The following FRMPD4 variants were observed in gnomAD, a reference collection of about 807,000 sequenced individuals.
The protein encoded by FRMPD4 is FERM and PDZ domain-containing protein 4.
In FRMPD4, 22 loss-of-function variants were observed where a neutral mutation model predicts 94.1. The ratio of observed to expected loss-of-function variants is 0.23; its 90% CI spans 0.17 to 0.33. The LOEUF is 0.33. Among genes scored for constraint, FRMPD4 ranks in the 10% least tolerant of loss-of-function variants. FRMPD4 has a pLI of 1.00. For synonymous variants in FRMPD4, 631 were observed against 548.6 expected, an observed-to-expected ratio of 1.15 and a Z score of -2.10; for missense variants, 1,111 against 1,339.9, an observed-to-expected ratio of 0.83 and a Z score of 2.67.
At chrX:12,451,720 ATGTGTGTATGCCCG>A (rs1316587919) in intron 1 of FRMPD4, among the ~76,000 whole-genome samples, 1 of 87,987 alleles carries the variant, frequency 1.1e-5, no homozygotes, top group African/African-American at 4.2e-5. Flanking sequence ...CCTCAGTGAT[ATGTGTGTATGCCCG>A]TGTGTGTGTG....
chrX:12,561,600 C>T (rs1198283369), intron 2 of FRMPD4, among the ~76,000 whole-genome samples: 1 of 112,411 alleles, frequency 8.9e-6, no homozygotes, highest in African/African-American at 3.2e-5. Flanking sequence ...TTATCATAAC[C>T]ATAAACTAAC....
At chrX:12,587,645 AGT>A (rs56902110) in intron 2 of FRMPD4, among the ~76,000 whole-genome samples, 6,262 of 103,800 alleles carry the variant, frequency 0.06, 476 homozygotes, top group African/African-American at 0.2. Flanking sequence ...TTCCATTATG[AGT>A]GTGTGTGTGT....
intron 3 of FRMPD4, among the ~76,000 whole-genome samples, chrX:12,613,182 G>A (rs1400521600): frequency 8.9e-6 from 1 of 112,211 alleles, no homozygotes; most frequent in African/African-American, 3.2e-5. Flanking sequence ...ATCAATATTT[G>A]GGAGGTAATT....
intron 2 of FRMPD4, among the ~76,000 whole-genome samples, chrX:12,514,016 C>A (rs1436681383): frequency 9.0e-6 from 1 of 110,989 alleles, no homozygotes; most frequent in African/African-American, 3.3e-5. Flanking sequence ...TGGCTCTCTG[C>A]TTGTCTGTTA....
chrX:12,281,437 T>C (rs2054524529), intron 1 of FRMPD4, among the ~76,000 whole-genome samples: 1 of 109,321 alleles, frequency 9.1e-6, no homozygotes, highest in East Asian at 2.8e-4. Context: ...TACAGTGGTA[T>C]GATCTCTGTT....
intron 3 of FRMPD4, among the ~76,000 whole-genome samples, chrX:12,076,512 A>G (rs1262673516): frequency 9.0e-6 from 1 of 111,181 alleles, no homozygotes; most frequent in Non-Finnish European, 1.9e-5. Flanking sequence ...CAGAAGCAAG[A>G]GTGGATGGGA....
intron 5 of FRMPD4, among the ~76,000 whole-genome samples, chrX:12,679,131 A>G (rs745419603): frequency 2.7e-5 from 3 of 112,013 alleles, no homozygotes; most frequent in Non-Finnish European, 5.6e-5. Flanking sequence ...TCCAATGGAG[A>G]ACACCTGTGA....
intron 3 of FRMPD4, among the ~76,000 whole-genome samples, chrX:12,038,449 T>C (rs1416153719): frequency 1.8e-5 from 2 of 112,334 alleles, no homozygotes; most frequent in African/African-American, 6.5e-5. Flanking sequence ...CTTTAGAATG[T>C]TTTTTTGGAA....
chrX:12,577,500 G>T (rs1304431749), intron 2 of FRMPD4, among the ~76,000 whole-genome samples: 2 of 110,759 alleles, frequency 1.8e-5, no homozygotes, highest in Non-Finnish European at 3.8e-5. Context: ...GGAGATGAGA[G>T]TGTGTGGGGA....
chrX:12,420,776 C>T (rs993177765), intron 1 of FRMPD4, among the ~76,000 whole-genome samples: 5 of 112,502 alleles, frequency 4.4e-5, no homozygotes, highest in African/African-American at 1.6e-4. Flanking sequence ...CACATGTAAC[C>T]GCATGTTTGA....
At chrX:12,540,157 G>C (rs1216353289) in intron 2 of FRMPD4, among the ~76,000 whole-genome samples, 2 of 112,069 alleles carry the variant, frequency 1.8e-5, no homozygotes, top group African/African-American at 6.5e-5. Context: ...AAAGACCATC[G>C]ATGCTAGGAA....
chrX:12,371,740 G>A (rs1319607752), intron 1 of FRMPD4, among the ~76,000 whole-genome samples: 3 of 111,426 alleles, frequency 2.7e-5, no homozygotes, highest in African/African-American at 9.8e-5. Flanking sequence ...TATGATGATG[G>A]TAAAGAATAA....
At chrX:12,153,361 T>C (rs1391763215) in intron 1 of FRMPD4, among the ~76,000 whole-genome samples, 1 of 112,371 alleles carries the variant, frequency 8.9e-6, no homozygotes, top group Non-Finnish European at 1.9e-5. Flanking sequence ...CAGCGATGTA[T>C]TGATGGATGT....
chrX:12,508,853 A>G (rs778108479), intron 2 of FRMPD4, among the ~76,000 whole-genome samples: 2 of 108,819 alleles, frequency 1.8e-5, no homozygotes, highest in Non-Finnish European at 3.8e-5. Context: ...TTAGCCAGGC[A>G]TGGTGGTGCG....
At chrX:12,085,543 G>T (rs1472206043) in intron 3 of FRMPD4, among the ~76,000 whole-genome samples, 1 of 110,776 alleles carries the variant, frequency 9.0e-6, no homozygotes, top group Non-Finnish European at 1.9e-5. Context: ...GTCTCTTAAA[G>T]AAATTAGTGA....
chrX:12,649,260 C>T (rs2059575775), intron 4 of FRMPD4, among the ~76,000 whole-genome samples: 1 of 111,833 alleles, frequency 8.9e-6, no homozygotes, highest in Admixed American at 9.5e-5. Flanking sequence ...CTTTATGTGC[C>T]CTTAAAGTGA....
At chrX:12,438,375 C>T (rs903504386) in intron 1 of FRMPD4, among the ~76,000 whole-genome samples, 3 of 107,885 alleles carry the variant, frequency 2.8e-5, no homozygotes, top group African/African-American at 1.0e-4. Flanking sequence ...TATGCTAGTC[C>T]ATTAATGCAA....
chrX:12,701,965 C>A lies in FRMPD4; in HGVS notation c.1025C>A (p.Thr342Asn). 8.3e-7 allele frequency: 1 copy of A among 1,209,920 alleles called. No individual in the cohort carries two copies. The highest frequency in any genetic ancestry group is 1.7e-5 in the African/African-American group (1 of 57,981). ...GCCGCATTACAAATGTACATTGCAA[C>A]CGTTACCACCAAGCAAACGCAGAAA... is the stretch of plus-strand genomic sequence containing the variant. ...RLAALQMYIA[T>N]VTTKQTQKIS... The change falls in exon 10 of 17, where the codon ACC (threonine) becomes AAC (asparagine). Residue 342 changes from threonine (T) to asparagine (N), a missense_variant. Coordinates refer to ENST00000675598, the MANE Select transcript of FRMPD4 (RefSeq NM_001368397.1).
intron 1 of FRMPD4, among the ~76,000 whole-genome samples, chrX:12,410,896 G>A (rs187276066): frequency 2.9e-4 from 32 of 111,599 alleles, no homozygotes; most frequent in African/African-American, 1.0e-3. Flanking sequence ...TAGACTTAGA[G>A]ATATGTAAAA....
Sources: gnomAD v4.1 joint callset for allele counts (sites outside exome capture counted in the v4.1 genomes callset) on GRCh38, gnomAD v4.1.1 for gene constraint, MANE v1.5 for transcripts, NCBI Gene and HGNC (gene_info 2026-07-23, HGNC 2026-07-21) for gene names.